The following PRDM5 variants were observed in gnomAD, a reference collection of about 807,000 sequenced individuals.
The protein encoded by PRDM5 is PR domain zinc finger protein 5.
A neutral mutation model predicts 81.2 loss-of-function variants in PRDM5; 56 were observed. The observed-to-expected ratio is 0.69, with a 90% CI of 0.56 to 0.86. PRDM5 has a LOEUF of 0.86. Among genes scored for constraint, PRDM5 ranks in the 40% least tolerant of loss-of-function variants. The pLI, the probability that PRDM5 is intolerant of heterozygous loss-of-function variation, is 0.00. For synonymous variants in PRDM5, 267 were observed against 256.4 expected (o/e 1.04, Z -0.39); for missense variants, 697 against 770.1 (o/e 0.91, Z 1.12).
chr4:120,748,122 G>T (rs1264382814), intron 14 of PRDM5, among the ~76,000 whole-genome samples: 1 of 152,170 alleles, frequency 6.6e-6, no homozygotes, highest in East Asian at 1.9e-4. Flanking sequence ...ATGATCCATA[G>T]TTCCTAAGAC....
chr4:120,809,011 C>A (rs1265900543), intron 8 of PRDM5, among the ~76,000 whole-genome samples: 2 of 152,222 alleles, frequency 1.3e-5, no homozygotes, highest in African/African-American at 4.8e-5. Flanking sequence ...GAAGGGGGCT[C>A]CCACAGTGCA....
intron 5 of PRDM5, among the ~76,000 whole-genome samples, chr4:120,817,707 C>T (rs529937874): frequency 7.2e-5 from 11 of 152,152 alleles, no homozygotes; most frequent in Non-Finnish European, 1.5e-4. Context: ...AATGCATATA[C>T]CTACTTTCTC....
chr4:120,749,752 G>A (rs1189825698), intron 14 of PRDM5, among the ~76,000 whole-genome samples: 1 of 152,196 alleles, frequency 6.6e-6, no homozygotes, highest in Non-Finnish European at 1.5e-5. Context: ...CGTGGCCTCT[G>A]GAGAGAGACA....
At chr4:120,844,784 A>G (rs1431262064) in intron 3 of PRDM5, among the ~76,000 whole-genome samples, 4 of 152,260 alleles carry the variant, frequency 2.6e-5, no homozygotes, top group Non-Finnish European at 5.9e-5. Flanking sequence ...CTTATGAGGA[A>G]GGCATGTCAA....
At chr4:120,776,119 C>T (rs1748119793) in intron 13 of PRDM5, among the ~76,000 whole-genome samples, 1 of 152,188 alleles carries the variant, frequency 6.6e-6, no homozygotes, top group Non-Finnish European at 1.5e-5. Flanking sequence ...TAGATGACTT[C>T]TAATTAAGAA....
intron 8 of PRDM5, among the ~76,000 whole-genome samples, chr4:120,801,311 G>T (rs1752088225): frequency 6.6e-6 from 1 of 152,108 alleles, no homozygotes; most frequent in African/African-American, 2.4e-5. Context: ...GACTCGGCTG[G>T]CCCCTGATAA....
chr4:120,857,504 G>GTCTAGT (rs879643873), intron 2 of PRDM5, among the ~76,000 whole-genome samples: 8 of 152,194 alleles, frequency 5.3e-5, no homozygotes, highest in Admixed American at 5.2e-4. Flanking sequence ...ACTTGGCAGG[G>GTCTAGT]TCTAGCCTCT....
intron 14 of PRDM5, among the ~76,000 whole-genome samples, chr4:120,723,149 C>A (rs1029602778): frequency 1.3e-5 from 2 of 152,068 alleles, no homozygotes; most frequent in South Asian, 4.2e-4. Context: ...ATAGCACTGA[C>A]AATGAACGAA....
At chr4:120,816,791 C>T in intron 6 of PRDM5, 41 bp downstream of exon 6, 3 of 1,572,416 alleles carry the variant, frequency 1.9e-6, no homozygotes, top group African/African-American at 1.4e-5. Flanking sequence ...AAAAATGACC[C>T]ACAATTATAT....
At chr4:120,857,799 T>C (rs189068574) in intron 2 of PRDM5, among the ~76,000 whole-genome samples, 2 of 152,324 alleles carry the variant, frequency 1.3e-5, no homozygotes, top group Admixed American at 1.3e-4. Flanking sequence ...TTTGTTAAAT[T>C]GGGTCAACTA....
intron 2 of PRDM5, among the ~76,000 whole-genome samples, chr4:120,879,850 G>A (rs1229855068): frequency 6.6e-6 from 1 of 152,014 alleles, no homozygotes; most frequent in Non-Finnish European, 1.5e-5. Context: ...AAAAATCAAT[G>A]ACTGCTGGGC....
At chr4:120,883,874 T>C (rs1238069947) in intron 2 of PRDM5, among the ~76,000 whole-genome samples, 5 of 152,282 alleles carry the variant, frequency 3.3e-5, no homozygotes, top group South Asian at 2.1e-4. Flanking sequence ...TGCTAAAGGG[T>C]ACAGGGCTTC....
chr4:120,870,618 C>T (rs1005928596), intron 2 of PRDM5, among the ~76,000 whole-genome samples: 3 of 152,000 alleles, frequency 2.0e-5, no homozygotes, highest in Non-Finnish European at 2.9e-5. Context: ...AGTAAAGGGA[C>T]CAGCAAGAGG....
At chr4:120,813,785 C>T (rs985058881) in intron 7 of PRDM5, among the ~76,000 whole-genome samples, 3 of 152,152 alleles carry the variant, frequency 2.0e-5, no homozygotes, top group African/African-American at 7.2e-5. Flanking sequence ...GTCCATCTTC[C>T]ACCAATAATC....
intron 1 of PRDM5, among the ~76,000 whole-genome samples, chr4:120,686,424 T>G (rs1484797006): frequency 6.6e-6 from 1 of 152,146 alleles, no homozygotes; most frequent in Non-Finnish European, 1.5e-5. Flanking sequence ...ATTTCCTCAG[T>G]TAAAGCAAAA....
At chr4:120,897,434 G>T (rs1292766532) in intron 2 of PRDM5, among the ~76,000 whole-genome samples, 1 of 151,902 alleles carries the variant, frequency 6.6e-6, no homozygotes, top group East Asian at 1.9e-4. Flanking sequence ...GATATCTGTA[G>T]GTGTAACCGT....
At chr4:120,863,751 A>G (rs903014481) in intron 2 of PRDM5, among the ~76,000 whole-genome samples, 1 of 152,258 alleles carries the variant, frequency 6.6e-6, no homozygotes, top group Admixed American at 6.5e-5. Flanking sequence ...ATTGCCTTAT[A>G]AATTGGCTTC....
chr4:120,853,404 G>A lies in PRDM5; in HGVS notation c.300+14C>T. The A allele has an allele frequency of 6.2e-7, 1 of 1,613,582 alleles. No homozygotes were observed. The highest frequency in any genetic ancestry group is 1.3e-5 in the African/African-American group (1 of 74,990). On this transcript the variant is annotated intron_variant, in intron 3 of 15. Coordinates refer to ENST00000264808, the MANE Select transcript of PRDM5 (RefSeq NM_018699.4). ...TCACAGTGCATAGTACAAATGAGAA[G>A]CAAATAAGCTCACTTGAATGGCAGC... is the stretch of plus-strand genomic sequence containing the variant.
At chr4:120,860,533 T>C (rs147957405) in intron 2 of PRDM5, among the ~76,000 whole-genome samples, 68 of 152,230 alleles carry the variant, frequency 4.5e-4, no homozygotes, top group African/African-American at 1.6e-3. Context: ...GTTCAGCTAC[T>C]CAGATTTCAA....
Sources: allele counts gnomAD v4.1 joint callset (sites outside exome capture counted in the v4.1 genomes callset), GRCh38; gene constraint gnomAD v4.1.1; transcripts MANE v1.5; gene names NCBI Gene and HGNC (gene_info 2026-07-23, HGNC 2026-07-21).